B3GNT2: variants seen among roughly 807,000 people sequenced by gnomAD.
The protein encoded by B3GNT2 is N-acetyllactosaminide beta-1,3-N-acetylglucosaminyltransferase 2.
A neutral mutation model predicts 27.6 loss-of-function variants in B3GNT2; 12 were observed. That is an observed-to-expected ratio of 0.44 (90% CI 0.28 to 0.71). The LOEUF (loss-of-function observed/expected upper bound fraction) is 0.71. Among genes scored for constraint, B3GNT2 ranks in the 30% least tolerant of loss-of-function variants. The pLI, the probability that B3GNT2 is intolerant of heterozygous loss-of-function variation, is 0.17. For synonymous variants in B3GNT2, 192 were observed against 189.7 expected (o/e 1.01, Z -0.10); for missense variants, 413 against 488.5 (o/e 0.85, Z 1.46).
chr2:62,218,769 A>G (rs1176893422), intron 1 of B3GNT2, among the ~76,000 whole-genome samples: 2 of 152,208 alleles, frequency 1.3e-5, no homozygotes, highest in Non-Finnish European at 2.9e-5. Flanking sequence ...ATCCCGTGCA[A>G]TGAGAAATGA....
chr2:62,220,965 T>C (rs559026846), intron 1 of B3GNT2, among the ~76,000 whole-genome samples: 2 of 152,310 alleles, frequency 1.3e-5, no homozygotes, highest in Admixed American at 6.5e-5. Context: ...ATCATTTGTA[T>C]TTCCCTTTTT....
At chr2:62,220,282 CGCAAGAT>C (rs1395523011) in intron 1 of B3GNT2, among the ~76,000 whole-genome samples, 1 of 152,206 alleles carries the variant, frequency 6.6e-6, no homozygotes, top group Non-Finnish European at 1.5e-5. Context: ...TGAGGGTAGA[CGCAAGAT>C]GGAGTCAGCC....
In B3GNT2 at chr2:62,203,866, C is replaced by T. The variant is rs571188148; in HGVS notation, c.-10+7511C>T. 9.2e-5 allele frequency among the ~76,000 whole-genome samples: 14 copies of T among 152,214 alleles called. No homozygotes were observed. The South Asian group carries it at 2.7e-3, about 29-fold the overall frequency. ...CAAATGTCTTTGTAGCTATGGCAAC[C>T]CACTTAGCTCCTGTTTCCCACCTCC... On this transcript the variant is annotated intron_variant, in intron 1 of 1. Coordinates refer to ENST00000301998, the MANE Select transcript of B3GNT2 (RefSeq NM_006577.6).
intron 1 of B3GNT2, among the ~76,000 whole-genome samples, chr2:62,206,579 A>T: frequency 6.6e-6 from 1 of 151,916 alleles, no homozygotes; most frequent in East Asian, 1.9e-4. Flanking sequence ...TATGTTTTTT[A>T]TTCTTGTAGA....
At position 62,223,504 on chromosome 2, in the gene B3GNT2, C is replaced by A; in HGVS notation, c.*90C>A. 1 of 1,206,384 alleles carries A rather than the reference C, an allele frequency of 8.3e-7. No homozygotes were observed. Among genetic ancestry groups the A allele is most frequent in the Non-Finnish European group, 1.1e-6 (1 of 871,484 alleles). The allele number at this position is 1,206,384 out of a possible 1,614,324, so 74.7% of individuals were successfully genotyped here. On this transcript the variant is annotated 3_prime_UTR_variant, in exon 2 of 2. Transcript: ENST00000301998. Reference sequence around the variant, plus strand: ...ACATTAGAGTAATTTCTATATTAAACCATGAAAATTGCCTTTATGAGTGAT... The same window carrying A: ...ACATTAGAGTAATTTCTATATTAAAACATGAAAATTGCCTTTATGAGTGAT...
Position 62,222,075 on chromosome 2 carries a change from C to T in B3GNT2, c.-9-137C>T. Reference sequence around the variant, plus strand: ...GATCACAAAGCTAGAAAGGAAGGGCCAAGATTTGAACCTAGGCAGTGCAAG... The same window carrying T: ...GATCACAAAGCTAGAAAGGAAGGGCTAAGATTTGAACCTAGGCAGTGCAAG... On this transcript the variant is annotated intron_variant, in intron 1 of 1. Transcript: ENST00000301998. This position sits in a 1 kb window ranked among gnomAD's most constrained non-coding sequence, Gnocchi z 4.2. The T allele has an allele frequency of 1.3e-6, 1 of 782,584 alleles. No homozygotes were observed. 48.5% of individuals were successfully genotyped at this position (782,584 alleles called of 1,614,324 possible). A position where few individuals can be genotyped will look rare whatever the true frequency, so the allele number is the denominator to read the frequency against.
chr2:62,212,361 C>T (rs1382185089), intron 1 of B3GNT2, among the ~76,000 whole-genome samples: 1 of 152,114 alleles, frequency 6.6e-6, no homozygotes, highest in South Asian at 2.1e-4. Flanking sequence ...TTCCTACAGC[C>T]TCTCAGCCCC....
rs747861550 is a variant in B3GNT2 at position 62,223,091 on chromosome 2, A to G, written c.871A>G (p.Ile291Val). ...TCGGGATAAGAAGCTGAAGTACTAC[A>G]TCCCAGAAGTTGTTTACTCTGGCCT... ...PHRDKKLKYYIPEVVYSGLYP... is the reference protein window; with the variant it reads ...PHRDKKLKYYVPEVVYSGLYP... Residue 291 changes from isoleucine (I) to valine (V), a missense_variant, in exon 2 of 2, where the codon ATC becomes GTC. Physicochemically the swap from Ile to Val is conservative, Grantham distance 29 (BLOSUM62 3). Coordinates refer to ENST00000301998, the MANE Select transcript of B3GNT2 (RefSeq NM_006577.6). 4 of 1,614,088 alleles carry G rather than the reference A, an allele frequency of 2.5e-6. No homozygotes were observed. In the African/African-American group the frequency reaches 4.0e-5, roughly 16 times the overall value.
chr2:62,209,891 T>C (rs1009092127), intron 1 of B3GNT2, among the ~76,000 whole-genome samples: 19 of 152,176 alleles, frequency 1.2e-4, no homozygotes, highest in African/African-American at 4.3e-4. Flanking sequence ...CCCAGCAGTC[T>C]CTCATCCTTT....
At position 62,210,695 on chromosome 2, in the gene B3GNT2, G is replaced by T. The variant is rs191651376; in HGVS notation, c.-9-11517G>T. 4.6e-5 allele frequency among the ~76,000 whole-genome samples: 7 copies of T among 151,886 alleles called. No individual in the cohort carries two copies. The South Asian group carries it at 1.5e-3, about 32-fold the overall frequency. ...AGAGGTAGGAGAATCACTTGAACCC[G>T]GGAGGCAGGGGTTGCAGTGAGCCGA... On this transcript the variant is annotated intron_variant, in intron 1 of 1. Coordinates refer to ENST00000301998, the MANE Select transcript of B3GNT2 (RefSeq NM_006577.6).
In B3GNT2 at chr2:62,223,068, G is replaced by C; in HGVS notation, c.848G>C (p.Arg283Pro). ...GDVIHNAGPH[R>P]DKKLKYYIPE... ...GTGATCCACAATGCTGGACCTCATC[G>C]GGATAAGAAGCTGAAGTACTACATC... The change falls in exon 2 of 2, where the codon CGG becomes CCG. Residue 283 changes from arginine to proline, a missense_variant. By Grantham distance (103) the Arg-to-Pro change is moderately radical. Transcript: ENST00000301998. The C allele has an allele frequency of 6.2e-7, 1 of 1,614,188 alleles. No individual in the cohort carries two copies. The highest frequency in any genetic ancestry group is 8.5e-7 in the Non-Finnish European group (1 of 1,180,052).
chr2:62,196,821 G>T (rs1674153115), intron 1 of B3GNT2, among the ~76,000 whole-genome samples: 1 of 151,994 alleles, frequency 6.6e-6, no homozygotes, highest in Non-Finnish European at 1.5e-5. Context: ...GGGGAGGGGG[G>T]CGCGCGTGAT....
At chr2:62,216,771 C>T (rs1347301836) in intron 1 of B3GNT2, among the ~76,000 whole-genome samples, 1 of 151,958 alleles carries the variant, frequency 6.6e-6, no homozygotes, top group Admixed American at 6.6e-5. Flanking sequence ...CATGGTTTTG[C>T]ATGGGAGAAA....
intron 1 of B3GNT2, among the ~76,000 whole-genome samples, chr2:62,208,953 G>T (rs1223199697): frequency 6.6e-6 from 1 of 152,126 alleles, no homozygotes; most frequent in South Asian, 2.1e-4. Context: ...CAACCTGGGT[G>T]GGGGCAGTGG....
At chr2:62,217,030 T>G (rs1054982676) in intron 1 of B3GNT2, among the ~76,000 whole-genome samples, 1 of 152,192 alleles carries the variant, frequency 6.6e-6, no homozygotes, top group Non-Finnish European at 1.5e-5. Context: ...AGGGGAGAGA[T>G]GAGTGGGGGC....
chr2:62,213,259 T>G (rs11686771), intron 1 of B3GNT2, among the ~76,000 whole-genome samples: 19,502 of 152,154 alleles, frequency 0.13, 1,399 homozygotes, highest in Admixed American at 0.22. Context: ...ATCAGGCAAC[T>G]GTAGTCTAGC....
At chr2:62,215,575 G>A (rs908087569) in intron 1 of B3GNT2, 6 of 152,342 alleles carry the variant, frequency 3.9e-5, no homozygotes, top group Non-Finnish European at 8.8e-5. Context: ...AACCTGGAAG[G>A]GGCTGGCAAG....
At chr2:62,207,509 C>T (rs111829457) in intron 1 of B3GNT2, among the ~76,000 whole-genome samples, 2,045 of 152,222 alleles carry the variant, frequency 0.013, 10 homozygotes, top group South Asian at 0.019. Flanking sequence ...GAGGTACATC[C>T]GTGGTCCCCA....
At chr2:62,215,305 C>T (rs900535497) in intron 1 of B3GNT2, among the ~76,000 whole-genome samples, 3 of 152,152 alleles carry the variant, frequency 2.0e-5, no homozygotes, top group African/African-American at 7.2e-5. Context: ...CAGAGGTAGA[C>T]CATCATCTTA....
Sources: allele counts gnomAD v4.1 joint callset (sites outside exome capture counted in the v4.1 genomes callset), GRCh38; gene constraint gnomAD v4.1.1; non-coding constraint Gnocchi (gnomAD v3.1); transcripts MANE v1.5; gene names NCBI Gene and HGNC (gene_info 2026-07-23, HGNC 2026-07-21).